The following SYN3 variants were observed in gnomAD, a reference collection of about 807,000 sequenced individuals.
The protein encoded by SYN3 is synapsin III.
A neutral mutation model predicts 65.8 loss-of-function variants in SYN3; 35 were observed. The observed-to-expected ratio is 0.53, with a 90% confidence interval of 0.41 to 0.70. SYN3 has a LOEUF of 0.70. Among genes scored for constraint, SYN3 ranks in the 30% least tolerant of loss-of-function variants. SYN3 has a pLI of 0.00. For synonymous variants in SYN3, 270 were observed against 292.9 expected (o/e 0.92, Z 0.80); for missense variants, 680 against 749.0 (o/e 0.91, Z 1.08).
chr22:32,734,726 T>G (rs1160386476), intron 6 of SYN3, among the ~76,000 whole-genome samples: 2 of 152,194 alleles, frequency 1.3e-5, no homozygotes, highest in African/African-American at 4.8e-5. Context: ...TATTTGTGCC[T>G]CTGGATTCCA....
At position 32,764,973 on chromosome 22, in the gene SYN3, G is replaced by T. The variant is rs529984664; in HGVS notation, c.711+99942C>A. Among the ~76,000 whole-genome samples, 49 of 152,194 alleles carry T rather than the reference G, an allele frequency of 3.2e-4. 1 individual carries two copies. In the South Asian group the frequency reaches 9.4e-3, roughly 29 times the overall value. On this transcript the variant is annotated intron_variant, in intron 6 of 13. Transcript: ENST00000358763. ...CTCCTTATTTGGGAGGCAGGAAGTT[G>T]TTCCCCACCCCCACCCTCTTGTCCT... is the stretch of plus-strand genomic sequence containing the variant.
At chr22:32,520,938 C>T (rs2057870462) in intron 12 of SYN3, among the ~76,000 whole-genome samples, 2 of 152,178 alleles carry the variant, frequency 1.3e-5, no homozygotes, top group South Asian at 4.1e-4. Flanking sequence ...CATCAAACAT[C>T]CCTCCCGATC....
intron 6 of SYN3, among the ~76,000 whole-genome samples, chr22:32,838,618 C>G (rs1043693472): frequency 9.2e-5 from 14 of 152,092 alleles, no homozygotes; most frequent in Non-Finnish European, 2.1e-4. Context: ...TTTTGGAGGT[C>G]AGTCTTCAAT....
chr22:32,692,155 CA>C (rs1188224009), intron 6 of SYN3, among the ~76,000 whole-genome samples: 14,296 of 34,164 alleles, frequency 0.42, 1,279 homozygotes, highest in Non-Finnish European at 0.45. Context: ...GACAAAAAGA[CA>C]AAAAAAAAAA....
chr22:32,657,316 G>A (rs2060155663), intron 6 of SYN3, among the ~76,000 whole-genome samples: 1 of 152,088 alleles, frequency 6.6e-6, no homozygotes, highest in Non-Finnish European at 1.5e-5. Context: ...GTAGAGACGG[G>A]GTTTCACCAT....
Position 32,832,611 on chromosome 22 carries a change from G to A in SYN3, c.711+32304C>T, listed in dbSNP as rs1156237886. Among the ~76,000 whole-genome samples the A allele has an allele frequency of 2.7e-5, 4 of 150,874 alleles. 1 individual carries two copies. In the South Asian group the frequency reaches 6.3e-4, roughly 24 times the overall value. ...TGAGTACAGTTATTTAGTAGAGTAC[G>A]TAGAGTTATTCACTAAATCACATCA... is the stretch of plus-strand genomic sequence containing the variant. On this transcript the variant is annotated intron_variant, in intron 6 of 13. Coordinates refer to ENST00000358763, the MANE Select transcript of SYN3 (RefSeq NM_003490.4).
Position 32,948,353 on chromosome 22 carries a change from C to T in SYN3, c.370-16872G>A, listed in dbSNP as rs972824819. On this transcript the variant is annotated intron_variant, in intron 3 of 13. Transcript: ENST00000358763. ...TAAGGGTTGCAGAGGAGGGGAGTAA[C>T]TCAATTCCTAACGACAAATATTTAT... Among the ~76,000 whole-genome samples the T allele has an allele frequency of 1.2e-4, 18 of 152,298 alleles. No individual in the cohort carries two copies. The South Asian group carries it at 1.2e-3, about 11-fold the overall frequency.
intron 6 of SYN3, among the ~76,000 whole-genome samples, chr22:32,828,832 G>T (rs2047488635): frequency 6.6e-6 from 1 of 152,174 alleles, no homozygotes; most frequent in Non-Finnish European, 1.5e-5. Flanking sequence ...GTGGGGAGGG[G>T]AGTAGGGGCT....
chr22:32,521,717 A>T (rs889068975), intron 12 of SYN3, among the ~76,000 whole-genome samples: 1 of 152,158 alleles, frequency 6.6e-6, no homozygotes. Context: ...AAGTGCTGGG[A>T]TTACAGGTGT....
At chr22:32,571,778 G>A (rs2058762160) in intron 7 of SYN3, among the ~76,000 whole-genome samples, 2 of 152,072 alleles carry the variant, frequency 1.3e-5, no homozygotes, top group South Asian at 4.1e-4. Context: ...CTTATCTATT[G>A]AGTGTCTTCT....
chr22:32,569,557 C>CTATATATATATATATATATA (rs1401047566), intron 7 of SYN3, among the ~76,000 whole-genome samples: 1 of 76,594 alleles, frequency 1.3e-5, no homozygotes, highest in Non-Finnish European at 2.8e-5. Flanking sequence ...CTCTCTCTCT[C>CTATATATATATATATATATA]TCTCTCTCTC....
At position 32,698,464 on chromosome 22, in the gene SYN3, A is replaced by T. The variant is rs573220573; in HGVS notation, c.712-101728T>A. Among the ~76,000 whole-genome samples, 15 of 152,336 alleles carry T rather than the reference A, an allele frequency of 9.8e-5. No homozygotes were observed. The South Asian group carries it at 2.9e-3, about 29-fold the overall frequency. ...AATCTCTTACCGTTTCTTTCACAGA[A>T]CAATTCATCCTTGCCCCAGATGTGG... On this transcript the variant is annotated intron_variant, in intron 6 of 13. Coordinates refer to ENST00000358763, the MANE Select transcript of SYN3 (RefSeq NM_003490.4).
intron 6 of SYN3, among the ~76,000 whole-genome samples, chr22:32,742,210 A>G (rs974581864): frequency 2.6e-5 from 4 of 152,178 alleles, no homozygotes; most frequent in Non-Finnish European, 5.9e-5. Flanking sequence ...CGGGAAGCGG[A>G]GCTGGCAGTG....
intron 6 of SYN3, among the ~76,000 whole-genome samples, chr22:32,790,236 A>G (rs1452937077): frequency 2.6e-5 from 4 of 152,172 alleles, no homozygotes; most frequent in Non-Finnish European, 5.9e-5. Context: ...TAATGTTCCT[A>G]AATGCAGTAG....
intron 4 of SYN3, among the ~76,000 whole-genome samples, chr22:32,875,549 G>A (rs1359160247): frequency 1.3e-5 from 2 of 152,126 alleles, no homozygotes; most frequent in African/African-American, 4.8e-5. Flanking sequence ...TGGAAAATAG[G>A]GCCTTTGCAA....
At chr22:32,563,453 G>A (rs1321192194) in intron 7 of SYN3, among the ~76,000 whole-genome samples, 1 of 152,200 alleles carries the variant, frequency 6.6e-6, no homozygotes, top group Non-Finnish European at 1.5e-5. Context: ...GCTGAGTTTG[G>A]TCTTGATGAG....
chr22:32,957,006 CA>C (rs1385936447), intron 3 of SYN3, among the ~76,000 whole-genome samples: 1 of 151,994 alleles, frequency 6.6e-6, no homozygotes, highest in Non-Finnish European at 1.5e-5. Flanking sequence ...CAGAGTAAGC[CA>C]GGAAAATAGG....
intron 3 of SYN3, among the ~76,000 whole-genome samples, chr22:32,937,681 T>A (rs1244352427): frequency 2.0e-5 from 3 of 152,160 alleles, no homozygotes; most frequent in Admixed American, 1.3e-4. Flanking sequence ...AGGCACCTTT[T>A]GCCAGGCCCC....
chr22:32,622,547 G>A (rs2059609724), intron 6 of SYN3, among the ~76,000 whole-genome samples: 1 of 151,784 alleles, frequency 6.6e-6, no homozygotes. Context: ...TGAGGGGGAG[G>A]CCCAGCGCTG....
Sources: gnomAD v4.1 joint callset for allele counts (sites outside exome capture counted in the v4.1 genomes callset) on GRCh38, gnomAD v4.1.1 for gene constraint, MANE v1.5 for transcripts, NCBI Gene and HGNC (gene_info 2026-07-23, HGNC 2026-07-21) for gene names.